The following HIVEP1 variants were observed in gnomAD, a reference collection of about 807,000 sequenced individuals.
HIVEP1 encodes the protein zinc finger protein 40.
HIVEP1 carries 36 observed loss-of-function variants against 180.0 expected under a neutral mutation model. That is an observed-to-expected ratio of 0.20 (90% CI 0.15 to 0.26). The LOEUF (loss-of-function observed/expected upper bound fraction) is 0.26, where lower values mean the gene tolerates loss of function less well. Among genes scored for constraint, HIVEP1 ranks in the 10% least tolerant of loss-of-function variants. The pLI is 1.00. For synonymous variants in HIVEP1, 1,239 were observed against 1,239.0 expected, an observed-to-expected ratio of 1.00 and a Z score of 0.00; for missense variants, 3,143 against 3,268.7, an observed-to-expected ratio of 0.96 and a Z score of 0.94.
At chr6:12,198,191 T>C in the HIVEP1 span, among the ~76,000 whole-genome samples, 1 of 152,146 alleles carries the variant, frequency 6.6e-6, no homozygotes, top group South Asian at 2.1e-4. Flanking sequence ...TCGTTACATA[T>C]GGACGTCTTT....
chr6:12,198,663 A>G, the HIVEP1 span, among the ~76,000 whole-genome samples: 4 of 152,206 alleles, frequency 2.6e-5, no homozygotes, highest in African/African-American at 9.7e-5. Flanking sequence ...GTGCTGGTGG[A>G]GAGCACAGTA....
intron 7 of HIVEP1, among the ~76,000 whole-genome samples, chr6:12,138,152 T>C (rs553177669): frequency 6.6e-6 from 1 of 152,198 alleles, no homozygotes; most frequent in African/African-American, 2.4e-5. Context: ...GATTTTATGT[T>C]TGTATTTTAA....
intron 7 of HIVEP1, among the ~76,000 whole-genome samples, chr6:12,146,392 G>A (rs1021976685): frequency 9.2e-5 from 14 of 152,166 alleles, no homozygotes; most frequent in Admixed American, 2.0e-4. Context: ...GCGGTGAGCC[G>A]AGATGGTGCC....
the HIVEP1 span, among the ~76,000 whole-genome samples, chr6:12,177,601 A>G: frequency 5.9e-5 from 9 of 152,142 alleles, no homozygotes; most frequent in Non-Finnish European, 1.2e-4. Context: ...TCTCATTATT[A>G]TTATTGTTGC....
the HIVEP1 span, among the ~76,000 whole-genome samples, chr6:12,179,370 C>T: frequency 4.6e-5 from 7 of 152,136 alleles, no homozygotes; most frequent in Admixed American, 3.3e-4. Context: ...CCCTGCATTC[C>T]CTCCGCACCA....
chr6:12,008,888 C>G (rs1355308801), upstream of HIVEP1: 1 of 152,298 alleles, frequency 6.6e-6, no homozygotes, highest in South Asian at 2.1e-4. Context: ...AAGTTTTTCT[C>G]TCGGTTCTTT....
chr6:12,077,963 G>T (rs1275690673), intron 2 of HIVEP1, among the ~76,000 whole-genome samples: 3 of 152,192 alleles, frequency 2.0e-5, no homozygotes, highest in East Asian at 1.9e-4. Flanking sequence ...ATCTTGAAAA[G>T]AGGCTATATC....
At chr6:12,011,094 A>T (rs1581473750), upstream of HIVEP1, among the ~76,000 whole-genome samples, 1 of 152,168 alleles carries the variant, frequency 6.6e-6, no homozygotes, top group African/African-American at 2.4e-5. Context: ...TTTTAATAGA[A>T]CATCCGCCAC....
intron 1 of HIVEP1, 48 bp from the exon 2 acceptor site, chr6:12,015,478 C>G (rs892561989): frequency 1.6e-6 from 1 of 639,960 alleles, no homozygotes; most frequent in Non-Finnish European, 2.8e-6. Context: ...AAGTATCTTT[C>G]TCCTCTGAAG....
At chr6:12,046,580 A>G (rs1203870547) in intron 2 of HIVEP1, among the ~76,000 whole-genome samples, 1 of 152,072 alleles carries the variant, frequency 6.6e-6, no homozygotes, top group Non-Finnish European at 1.5e-5. Context: ...AGAGATCGAG[A>G]CAATCCTGGC....
downstream of HIVEP1, chr6:12,165,150 C>G: frequency 1.9e-6 from 1 of 513,968 alleles, no homozygotes; most frequent in Non-Finnish European, 3.9e-6. Flanking sequence ...CCATGTGAAA[C>G]TGTAACTGAA....
chr6:12,172,935 A>G, the HIVEP1 span, among the ~76,000 whole-genome samples: 1 of 152,194 alleles, frequency 6.6e-6, no homozygotes, highest in African/African-American at 2.4e-5. Flanking sequence ...GAGTATGTCC[A>G]GTGCCATGCA....
intron 7 of HIVEP1, among the ~76,000 whole-genome samples, chr6:12,151,074 C>G (rs184209293): frequency 3.3e-5 from 5 of 152,288 alleles, no homozygotes; most frequent in African/African-American, 1.2e-4. Context: ...CCTGACTCAT[C>G]TTCAAATAAT....
chr6:12,185,536 G>T, the HIVEP1 span, among the ~76,000 whole-genome samples: 1 of 152,182 alleles, frequency 6.6e-6, no homozygotes, highest in Non-Finnish European at 1.5e-5. Flanking sequence ...GTCATTTCAC[G>T]TAATACCTCA....
intron 7 of HIVEP1, among the ~76,000 whole-genome samples, chr6:12,140,573 A>C (rs1758963868): frequency 6.6e-6 from 1 of 152,182 alleles, no homozygotes; most frequent in Non-Finnish European, 1.5e-5. Flanking sequence ...AAACTTTTCC[A>C]AGCTAAAGGA....
At chr6:12,079,828 C>T (rs1294901676) in intron 2 of HIVEP1, among the ~76,000 whole-genome samples, 2 of 152,084 alleles carry the variant, frequency 1.3e-5, no homozygotes, top group African/African-American at 2.4e-5. Flanking sequence ...GATTCTTGTC[C>T]ATGGAAATGC....
the HIVEP1 span, among the ~76,000 whole-genome samples, chr6:12,186,896 T>C: frequency 1.3e-5 from 2 of 152,014 alleles, no homozygotes; most frequent in East Asian, 3.8e-4. Flanking sequence ...TTTTTTTTTT[T>C]TAGCGAAAAG....
chr6:12,124,472 A>G lies in HIVEP1; in HGVS notation c.4677A>G (p.Lys1559=), dbSNP rs749324443. The G allele has an allele frequency of 1.9e-6, 3 of 1,614,054 alleles. No homozygotes were observed. The highest frequency in any genetic ancestry group is 1.3e-5 in the African/African-American group (1 of 74,900). ...AAAGTGAGGATTGCTTTGCTCCCAA[A>G]TACCAATTGCATTGTCAGGTTTTCA... The part of the protein sequence containing the change: ...SSKSEDCFAP[K]YQLHCQVFTS... Residue 1559 remains lysine (K), a synonymous_variant, in exon 4 of 9, where the codon AAA becomes AAG. Transcript: ENST00000379388.
intron 3 of HIVEP1, among the ~76,000 whole-genome samples, chr6:12,110,939 T>C (rs1454760554): frequency 6.6e-6 from 1 of 152,198 alleles, no homozygotes; most frequent in African/African-American, 2.4e-5. Context: ...GAGGCCCTTG[T>C]AGGCTTATTA....
Sources: allele counts gnomAD v4.1 joint callset (sites outside exome capture counted in the v4.1 genomes callset), GRCh38; gene constraint gnomAD v4.1.1; transcripts MANE v1.5; gene names NCBI Gene and HGNC (gene_info 2026-07-23, HGNC 2026-07-21).